Variants in ZZEF1 observed in about 807,000 individuals in gnomAD.
The protein encoded by ZZEF1 is zinc finger ZZ-type and EF-hand domain containing 1.
Under a neutral mutation model 342.8 loss-of-function variants are expected in ZZEF1, and 157 were observed. The ratio of observed to expected loss-of-function variants is 0.46; its 90% confidence interval spans 0.40 to 0.52. The LOEUF (loss-of-function observed/expected upper bound fraction) is 0.52. ZZEF1 is among the 20% of genes least tolerant of loss of function. The pLI, the probability that ZZEF1 is intolerant of heterozygous loss-of-function variation, is 0.00. For missense variants in ZZEF1, 3,480 were observed against 3,725.6 expected (o/e 0.93, Z 1.72); for synonymous variants, 1,505 against 1,429.1 (o/e 1.05, Z -1.20).
At chr17:4,029,451 A>G (rs2056488246) in intron 42 of ZZEF1, among the ~76,000 whole-genome samples, 1 of 152,190 alleles carries the variant, frequency 6.6e-6, no homozygotes, top group Admixed American at 6.5e-5. Flanking sequence ...TATCATAAAA[A>G]AAAATTGTGA....
chr17:4,086,307 CCCACAGCGGCAATCCCTTTCTGGGGGAT>C (rs1567828276), intron 15 of ZZEF1, among the ~76,000 whole-genome samples, 151 bp downstream of exon 15: 1 of 140,008 alleles, frequency 7.1e-6, no homozygotes, highest in East Asian at 2.0e-4. Context: ...CTGGGGGATT[CCCACAGCGGCAATCCCTTTCTGGGGGAT>C]TCCCACAGCG....
intron 16 of ZZEF1, 78 bp from the exon 17 acceptor site, chr17:4,082,582 TCAC>T (rs1021088374): frequency 2.1e-5 from 28 of 1,320,258 alleles, no homozygotes; most frequent in African/African-American, 4.4e-5. Context: ...CAATGAAACA[TCAC>T]CACCCCACTG....
rs570854335 is a variant in ZZEF1, at chr17:4,042,262, T to C, written c.6306+167A>G. 1.3e-4 allele frequency among the ~76,000 whole-genome samples: 19 copies of C among 146,728 alleles called. No individual in the cohort carries two copies. The East Asian group carries it at 2.7e-3, about 21-fold the overall frequency. On this transcript the variant is annotated intron_variant, in intron 39 of 54. Transcript: ENST00000381638. ...ATATTGTTTTATACACACACACACA[T>C]ATATATTTACAAAATATAGGAAGGG...
chr17:4,081,193 T>C (rs1013971848), intron 18 of ZZEF1, among the ~76,000 whole-genome samples, 183 bp downstream of exon 18: 7 of 152,084 alleles, frequency 4.6e-5, no homozygotes, highest in Non-Finnish European at 8.8e-5. Context: ...GCTGTGATTG[T>C]GCCACTGCAC....
At chr17:4,126,795 G>GT (rs2058580154) in intron 1 of ZZEF1, among the ~76,000 whole-genome samples, 1 of 152,052 alleles carries the variant, frequency 6.6e-6, no homozygotes, top group Non-Finnish European at 1.5e-5. Context: ...GCAAAACTCC[G>GT]TATCTACTAA....
chr17:4,139,520 G>C (rs2058808053), intron 1 of ZZEF1, among the ~76,000 whole-genome samples: 1 of 152,174 alleles, frequency 6.6e-6, no homozygotes, highest in South Asian at 2.1e-4. Flanking sequence ...CAAAAGCTTA[G>C]ACGTAGATTA....
intron 38 of ZZEF1, 114 bp downstream of exon 38, chr17:4,044,110 C>A (rs1046815139): frequency 2.6e-6 from 3 of 1,173,208 alleles, no homozygotes; most frequent in Non-Finnish European, 3.7e-6. Context: ...ACTGAGAAAC[C>A]ACGCACCCCT....
At chr17:4,105,555 C>T (rs1287651837) in intron 7 of ZZEF1, 138 bp downstream of exon 7, 1 of 680,602 alleles carries the variant, frequency 1.5e-6, no homozygotes, top group Non-Finnish European at 2.5e-6. Context: ...ACTATTATGT[C>T]ACTTTCTCTT....
At chr17:4,091,465 G>C (rs1416088669) in intron 11 of ZZEF1, among the ~76,000 whole-genome samples, 4 of 152,196 alleles carry the variant, frequency 2.6e-5, no homozygotes, top group Non-Finnish European at 5.9e-5. Flanking sequence ...ACACTTAAAT[G>C]CTACTCCCTT....
Position 4,014,581 on chromosome 17 carries a change from C to A in ZZEF1, c.8146-66G>T. Reference sequence around the variant, plus strand: ...CACTAGACACTGACTGCAGCTGTCCCATGCCGAGTCCTGTGGCTGGACCCG... The same window carrying A: ...CACTAGACACTGACTGCAGCTGTCCAATGCCGAGTCCTGTGGCTGGACCCG... On this transcript the variant is annotated intron_variant, in intron 49 of 54. Transcript: ENST00000381638. The surrounding 1 kb of genome is among the most constrained non-coding windows in gnomAD (Gnocchi z 4.4). 6.4e-7 allele frequency: 1 copy of A among 1,558,064 alleles called. No individual in the cohort carries two copies. Among genetic ancestry groups the A allele is most frequent in the Admixed American group, 1.7e-5 (1 of 59,232 alleles).
At chr17:4,045,053 C>G (rs2056883641) in intron 37 of ZZEF1, among the ~76,000 whole-genome samples, 1 of 152,066 alleles carries the variant, frequency 6.6e-6, no homozygotes, top group African/African-American at 2.4e-5. Context: ...ACTCAGGAGG[C>G]TGAGGCAGGA....
intron 9 of ZZEF1, among the ~76,000 whole-genome samples, chr17:4,098,802 C>G (rs2058080512): frequency 6.6e-6 from 1 of 152,174 alleles, no homozygotes; most frequent in Non-Finnish European, 1.5e-5. Context: ...TTCTCTAATT[C>G]ACACAGACGC....
chr17:4,133,568 G>A (rs9897753), intron 1 of ZZEF1, among the ~76,000 whole-genome samples: 23,444 of 152,062 alleles, frequency 0.15, 1,984 homozygotes, highest in African/African-American at 0.22. Flanking sequence ...CACTCCCTCT[G>A]AATCTCAAGG....
intron 37 of ZZEF1, among the ~76,000 whole-genome samples, chr17:4,048,746 T>C (rs904747607): frequency 2.6e-5 from 4 of 152,116 alleles, no homozygotes; most frequent in Non-Finnish European, 5.9e-5. Flanking sequence ...GATGGAGTCT[T>C]GCTGTCGCCC....
At chr17:4,065,233 T>TA (rs979475273) in intron 28 of ZZEF1, among the ~76,000 whole-genome samples, 2 of 151,698 alleles carry the variant, frequency 1.3e-5, no homozygotes, top group Non-Finnish European at 1.5e-5. Context: ...CCAATCTCTA[T>TA]AAAAAAACAA....
At chr17:4,037,444 A>T (rs937331336) in intron 39 of ZZEF1, among the ~76,000 whole-genome samples, 3 of 152,208 alleles carry the variant, frequency 2.0e-5, no homozygotes, top group African/African-American at 7.2e-5. Context: ...TCCAACCCCA[A>T]AGAGGAGGAC....
intron 1 of ZZEF1, among the ~76,000 whole-genome samples, chr17:4,131,445 G>A (rs1239016530): frequency 2.0e-5 from 3 of 150,714 alleles, no homozygotes; most frequent in Non-Finnish European, 4.4e-5. Flanking sequence ...ATTAAAGTAT[G>A]TATTCAATTG....
chr17:4,048,738 T>C (rs2056979261), intron 37 of ZZEF1, among the ~76,000 whole-genome samples: 1 of 152,142 alleles, frequency 6.6e-6, no homozygotes, highest in African/African-American at 2.4e-5. Context: ...TTTTTTGAGA[T>C]GGAGTCTTGC....
chr17:4,096,092 A>G, intron 10 of ZZEF1, 113 bp from the exon 11 acceptor site: 1 of 1,216,312 alleles, frequency 8.2e-7, no homozygotes, highest in Non-Finnish European at 1.1e-6. Context: ...CCAATGAAAA[A>G]TATTTCAAAC....
Sources: allele counts gnomAD v4.1 joint callset (sites outside exome capture counted in the v4.1 genomes callset), GRCh38; gene constraint gnomAD v4.1.1; non-coding constraint Gnocchi (gnomAD v3.1); transcripts MANE v1.5; gene names NCBI Gene and HGNC (gene_info 2026-07-23, HGNC 2026-07-21).